TASOR2: variants seen among roughly 807,000 people sequenced by gnomAD.
The protein encoded by TASOR2 is transcription activation suppressor family member 2, also known as protein TASOR 2.
In TASOR2, 84 loss-of-function variants were observed where a neutral mutation model predicts 199.5. That is an observed-to-expected ratio of 0.42 (90% CI 0.35 to 0.50). TASOR2 has a LOEUF of 0.50. Among genes scored for constraint, TASOR2 ranks in the 20% least tolerant of loss-of-function variants. The pLI, the probability that TASOR2 is intolerant of heterozygous loss-of-function variation, is 0.02. For missense variants in TASOR2, 2,796 were observed against 2,835.9 expected (o/e 0.99, Z 0.32); for synonymous variants, 1,103 against 1,046.6 (o/e 1.05, Z -1.04).
Position 5,720,859 on chromosome 10 carries a change from T to C in TASOR2, c.47-12T>C. 6.3e-7 allele frequency: 1 copy of C among 1,599,384 alleles called. No homozygotes were observed. Among genetic ancestry groups the C allele is most frequent in the Non-Finnish European group, 8.5e-7 (1 of 1,175,790 alleles). On this transcript the variant is annotated splice_polypyrimidine_tract_variant and intron_variant, in intron 5 of 20. Transcript: ENST00000328090. The surrounding 1 kb of genome is among the most constrained non-coding windows in gnomAD (Gnocchi z 5.3). ...TAAATAATCAGTTTCTTTTTTACCT[T>C]CATTTCTTCAGTTCTCATGTCTCCA...
At chr10:5,753,668 G>A (rs185911599) in intron 15 of TASOR2, among the ~76,000 whole-genome samples, 4 of 152,156 alleles carry the variant, frequency 2.6e-5, no homozygotes, top group Admixed American at 1.3e-4. Context: ...CCTGTTTGCC[G>A]AGATTCTTAA....
intron 1 of TASOR2, among the ~76,000 whole-genome samples, chr10:5,711,444 A>G (rs950663793): frequency 8.5e-5 from 13 of 152,156 alleles, no homozygotes; most frequent in Non-Finnish European, 2.9e-5. Context: ...CCAGTGCTAT[A>G]TAAATCATTC....
chr10:5,748,027 G>T lies in TASOR2; in HGVS notation c.4606G>T (p.Gly1536Cys). ...GCCTGCCTCAGCTGCCAAATGCACA[G>T]GTGACTTCAGTCCTTCTCCTGAAAA... The change falls in exon 15 of 21, where the codon GGT becomes TGT. Residue 1536 changes from glycine (G) to cysteine (C), a missense_variant. By Grantham distance (159) the Gly-to-Cys change is radical (BLOSUM62 -3). Coordinates refer to ENST00000328090, the Ensembl canonical transcript of TASOR2. This position sits in a 1 kb window ranked among gnomAD's most constrained non-coding sequence, Gnocchi z 5.1. The T allele has an allele frequency of 1.2e-6, 2 of 1,614,114 alleles. No individual in the cohort carries two copies. Among genetic ancestry groups the T allele is most frequent in the Non-Finnish European group, 1.7e-6 (2 of 1,180,032 alleles).
rs191116195 is a variant in TASOR2 at position 5,751,928 on chromosome 10, G to A, written c.6606+1901G>A. On this transcript the variant is annotated intron_variant, in intron 15 of 20. Transcript: ENST00000328090. The surrounding 1 kb of genome is among the most constrained non-coding windows in gnomAD (Gnocchi z 5.3). ...GCTAGCCTCCTTCTCCATGTGTGGA[G>A]CTCCCTTCTCTGAGGTTGACTCTGT... is the stretch of plus-strand genomic sequence containing the variant. 1.3e-5 allele frequency among the ~76,000 whole-genome samples: 2 copies of A among 152,004 alleles called. No individual in the cohort carries two copies. The highest frequency in any genetic ancestry group is 4.8e-5 in the African/African-American group (2 of 41,346).
Position 5,759,007 on chromosome 10 carries a change from T to C in TASOR2, c.6992+15T>C, listed in dbSNP as rs773180924. ...GAAGATGAAAGGTAAGGACTTGCTG[T>C]GTGTATGGTTCCTCCTGCCCTGCTG... On this transcript the variant is annotated intron_variant, in intron 18 of 20. Transcript: ENST00000328090. 2.5e-6 allele frequency: 4 copies of C among 1,575,756 alleles called. No homozygotes were observed. The South Asian group carries it at 4.4e-5, about 17-fold the overall frequency.
intron 1 of TASOR2, chr10:5,712,289 A>G (rs1386985798): frequency 6.5e-6 from 5 of 768,180 alleles, no homozygotes; most frequent in Non-Finnish European, 8.8e-6. Flanking sequence ...TCTTAGTTAT[A>G]TAGGAAAGGA....
intron 1 of TASOR2, among the ~76,000 whole-genome samples, chr10:5,697,506 T>A (rs1837305273): frequency 6.6e-6 from 1 of 152,050 alleles, no homozygotes; most frequent in Non-Finnish European, 1.5e-5. Flanking sequence ...GAAAGCAGAA[T>A]GAGAAAGTGC....
chr10:5,725,557 A>G (rs1833951292), intron 8 of TASOR2, among the ~76,000 whole-genome samples: 1 of 152,092 alleles, frequency 6.6e-6, no homozygotes, highest in Non-Finnish European at 1.5e-5. Flanking sequence ...GCTTGAGGCC[A>G]GGAGTTTGAG....
In TASOR2 at chr10:5,748,571, C is replaced by G. The variant is rs773484081; in HGVS notation, c.5150C>G (p.Ser1717Cys). The change falls in exon 15 of 21, where the codon TCC becomes TGC. Residue 1717 changes from serine (S) to cysteine (C), a missense_variant. This residue lies in a region of TASOR2 where 1,941 missense variants were observed against 1,924.9 expected (regional missense o/e 1.01). Coordinates refer to ENST00000328090, the Ensembl canonical transcript of TASOR2. This position sits in a 1 kb window ranked among gnomAD's most constrained non-coding sequence, Gnocchi z 5.1. ...GGTCCAGGCACTGCTGGCCCTCAGT[C>G]CAACACCACATCTTCTCTAAAAGGT... 6.2e-7 allele frequency: 1 copy of G among 1,613,484 alleles called. No individual in the cohort carries two copies. The highest frequency in any genetic ancestry group is 8.5e-7 in the Non-Finnish European group (1 of 1,180,030).
At chr10:5,761,208 TTGAA>T (rs2131666283) in intron 18 of TASOR2, 78 bp from the exon 20 acceptor site, 4 of 1,235,570 alleles carry the variant, frequency 3.2e-6, no homozygotes, top group East Asian at 4.7e-5. Flanking sequence ...ACTCATGAGT[TTGAA>T]TGGTTAAACT....
chr10:5,756,831 G>T (rs1588924579), intron 16 of TASOR2, 93 bp downstream of exon 17: 1 of 1,349,832 alleles, frequency 7.4e-7, no homozygotes, highest in East Asian at 2.4e-5. Flanking sequence ...ATGTAGAAGA[G>T]AAGCTAACAG....
At chr10:5,723,953 A>G (rs569490520) in intron 7 of TASOR2, among the ~76,000 whole-genome samples, 176 bp downstream of exon 8, 28 of 152,350 alleles carry the variant, frequency 1.8e-4, no homozygotes, top group Non-Finnish European at 3.4e-4. Flanking sequence ...GAGGCCAACT[A>G]GAAACTGAAA....
Position 5,761,188 on chromosome 10 carries a change from A to C in TASOR2, c.6993-102A>C, listed in dbSNP as rs1839772453. 4.2e-6 allele frequency: 4 copies of C among 948,180 alleles called. No individual in the cohort carries two copies. In the South Asian group the frequency reaches 5.0e-5, roughly 12 times the overall value. The allele number at this position is 948,180 out of a possible 1,614,324, so 58.7% of individuals were successfully genotyped here. A position where few individuals can be genotyped will look rare whatever the true frequency, so the allele number is the denominator to read the frequency against. ...TCATGAAAAAGAACGTCAAGAAGAA[A>C]GGCAGAGGAACTCATGAGTTTGAAT... is the stretch of plus-strand genomic sequence containing the variant. On this transcript the variant is annotated intron_variant, in intron 18 of 20. Transcript: ENST00000328090.
chr10:5,690,847 A>G lies in TASOR2; in HGVS notation c.-288+5672A>G, dbSNP rs1304646575. ...CAGAACAATGGTCATTACTGTATAG[A>G]GATGTTTTAAAAAGTCACCATATAA... On this transcript the variant is annotated intron_variant, in intron 1 of 20. Coordinates refer to ENST00000328090, the Ensembl canonical transcript of TASOR2. The surrounding 1 kb of genome is among the most constrained non-coding windows in gnomAD (Gnocchi z 4.8). 2.0e-5 allele frequency among the ~76,000 whole-genome samples: 3 copies of G among 152,210 alleles called. No individual in the cohort carries two copies. Among genetic ancestry groups the G allele is most frequent in the Non-Finnish European group, 2.9e-5 (2 of 68,038 alleles).
At position 5,742,318 on chromosome 10, in the gene TASOR2, ACT is replaced by A; in HGVS notation, c.2554_2555del (p.Leu852ValfsTer4). 1 of 1,613,910 alleles carries A rather than the reference ACT, an allele frequency of 6.2e-7. No homozygotes were observed. Among genetic ancestry groups the A allele is most frequent in the Non-Finnish European group, 8.5e-7 (1 of 1,179,988 alleles). The stretch of plus-strand genomic sequence containing the variant: ...CTTGGTTTGGAAAAATGTTCTGCAG[ACT>A]CTCTGTTGGAGACTAACGAAATTTC... On this transcript the variant is annotated frameshift_variant, in exon 14 of 21. Transcript: ENST00000328090. LOFTEE classifies it high-confidence loss of function. This position sits in a 1 kb window ranked among gnomAD's most constrained non-coding sequence, Gnocchi z 4.2.
rs1838515209 is a variant in TASOR2, at chr10:5,754,260, C to T, written c.6607-2353C>T. Among the ~76,000 whole-genome samples the T allele has an allele frequency of 6.6e-6, 1 of 152,154 alleles. No individual in the cohort carries two copies. Among genetic ancestry groups the T allele is most frequent in the African/African-American group, 2.4e-5 (1 of 41,420 alleles). On this transcript the variant is annotated intron_variant, in intron 15 of 20. Transcript: ENST00000328090. The surrounding 1 kb of genome is among the most constrained non-coding windows in gnomAD (Gnocchi z 4.3). The stretch of plus-strand genomic sequence containing the variant: ...TTGTAGTAAGCCACTGTGCTCCCAG[C>T]CTGCCCGACAGAGTGAGACTCCACA...
At position 5,701,223 on chromosome 10, in the gene TASOR2, G is replaced by A. The variant is rs1215305177; in HGVS notation, c.-287-11600G>A. Among the ~76,000 whole-genome samples, 4 of 152,026 alleles carry A rather than the reference G, an allele frequency of 2.6e-5. No individual in the cohort carries two copies. Among genetic ancestry groups the A allele is most frequent in the African/African-American group, 7.2e-5 (3 of 41,386 alleles). On this transcript the variant is annotated intron_variant, in intron 1 of 20. Transcript: ENST00000328090. The surrounding 1 kb of genome is among the most constrained non-coding windows in gnomAD (Gnocchi z 4.9). ...GTAGTTATCCAGTTTTCCCACCACCGTTTATCAAAGAGACTGTCCTTTTCC... is the reference window on the plus strand; with the variant it reads ...GTAGTTATCCAGTTTTCCCACCACCATTTATCAAAGAGACTGTCCTTTTCC...
At chr10:5,762,016 C>T (rs959897333) in intron 19 of TASOR2, among the ~76,000 whole-genome samples, 2 of 152,122 alleles carry the variant, frequency 1.3e-5, no homozygotes, top group African/African-American at 4.8e-5. Context: ...GTGGCTCACG[C>T]CTGTAATGCC....
At chr10:5,762,624 G>C (rs746626362) in exon 20 of TASOR2, 3 of 1,455,912 alleles carry the variant, frequency 2.1e-6, no homozygotes, top group Non-Finnish European at 2.8e-6. Flanking sequence ...AAAAATAGCA[G>C]CTCCATTTAG....
Sources: allele counts gnomAD v4.1 joint callset (sites outside exome capture counted in the v4.1 genomes callset), GRCh38; gene constraint gnomAD v4.1.1; regional missense constraint gnomAD v4.1.1; non-coding constraint Gnocchi (gnomAD v3.1); transcripts MANE v1.5; gene names NCBI Gene and HGNC (gene_info 2026-07-23, HGNC 2026-07-21).